The following DNPEP variants were observed in gnomAD, a reference collection of about 807,000 sequenced individuals.
DNPEP encodes aspartyl aminopeptidase.
A neutral mutation model predicts 59.1 loss-of-function variants in DNPEP; 46 were observed. The observed-to-expected ratio is 0.78, with a 90% CI of 0.61 to 0.99. The LOEUF is 0.99. DNPEP is among the 50% of genes least tolerant of loss of function. The pLI is 0.00. For missense variants in DNPEP, 617 were observed against 649.9 expected (o/e 0.95, Z 0.55); for synonymous variants, 229 against 242.2 (o/e 0.95, Z 0.50).
At chr2:219,382,247 C>A (rs1472182518) in intron 10 of DNPEP, 108 bp from the exon 11 acceptor site, 2 of 1,288,504 alleles carry the variant, frequency 1.6e-6, no homozygotes, top group Non-Finnish European at 2.1e-6. Context: ...CACTGAGTCA[C>A]TGGGTGTTCT....
intron 13 of DNPEP, among the ~76,000 whole-genome samples, chr2:219,376,780 C>T (rs1953390488): frequency 1.3e-5 from 2 of 152,132 alleles, no homozygotes; most frequent in African/African-American, 4.8e-5. Context: ...AGTGTTAAAA[C>T]CATTAGGTAT....
chr2:219,375,852 G>T (rs1204104522), intron 13 of DNPEP, among the ~76,000 whole-genome samples: 1 of 152,118 alleles, frequency 6.6e-6, no homozygotes, highest in Admixed American at 6.6e-5. Flanking sequence ...ACCACACCTG[G>T]CTTCATGATT....
At chr2:219,395,728 A>C (rs1954085633) in intron 1 of DNPEP, among the ~76,000 whole-genome samples, 1 of 152,188 alleles carries the variant, frequency 6.6e-6, no homozygotes, top group Non-Finnish European at 1.5e-5. Context: ...AAGCTCCTTC[A>C]CAAAGCCTTC....
At chr2:219,389,010 T>C, upstream of DNPEP, 1 of 292,492 alleles carries the variant, frequency 3.4e-6, no homozygotes, top group Non-Finnish European at 5.1e-6. Flanking sequence ...CCTACAGCCT[T>C]CTCTCAGATC....
chr2:219,387,501 A>G, intron 1 of DNPEP: 1 of 1,438,546 alleles, frequency 7.0e-7, no homozygotes, highest in Non-Finnish European at 9.1e-7. Context: ...GGCGGCCTGC[A>G]TCACGTGCGC....
At chr2:219,390,582 G>A (rs911400156), upstream of DNPEP, among the ~76,000 whole-genome samples, 48 of 152,350 alleles carry the variant, frequency 3.2e-4, no homozygotes, top group Middle Eastern at 6.8e-3. Context: ...ACAGTTGGGC[G>A]TGGTGGCTCA....
At chr2:219,380,836 T>A in intron 13 of DNPEP, among the ~76,000 whole-genome samples, 1 of 4,776 alleles carries the variant, frequency 2.1e-4, no homozygotes, top group South Asian at 0.019. Context: ...ATACAACATA[T>A]ATATGTACAC....
intron 13 of DNPEP, among the ~76,000 whole-genome samples, chr2:219,380,297 C>T (rs890495879): frequency 7.3e-5 from 11 of 150,286 alleles, no homozygotes; most frequent in African/African-American, 2.4e-4. Flanking sequence ...CTCACTGCAA[C>T]GTCCACCTCC....
intron 1 of DNPEP, among the ~76,000 whole-genome samples, chr2:219,394,293 C>T (rs115270255): frequency 6.1e-4 from 93 of 152,284 alleles, no homozygotes; most frequent in African/African-American, 2.2e-3. Context: ...GTCGTTGACC[C>T]ATGGGTCCTA....
Position 219,382,275 on chromosome 2 carries a change from T to TGG in DNPEP, c.937-138_937-137dup. 9 of 972,300 alleles carry TGG rather than the reference T, an allele frequency of 9.3e-6. No individual in the cohort carries two copies. In the South Asian group the frequency reaches 1.5e-4, roughly 16 times the overall value. The allele number at this position is 972,300 out of a possible 1,614,324, so 60.2% of individuals were successfully genotyped here. ...GGTGTTCTTAGCAACACCCCTAACCTGGGGTCGTCACTGAACACCAGACAG... is the reference window on the plus strand; with the variant it reads ...GGTGTTCTTAGCAACACCCCTAACCTGGGGGGTCGTCACTGAACACCAGACAG... On this transcript the variant is annotated intron_variant, in intron 10 of 14. Coordinates refer to ENST00000273075, the MANE Select transcript of DNPEP (RefSeq NM_012100.4).
chr2:219,374,401 G>T, intron 14 of DNPEP, 59 bp from the exon 15 acceptor site: 2 of 1,471,946 alleles, frequency 1.4e-6, no homozygotes, highest in Non-Finnish European at 1.9e-6. Context: ...GAGATGTCCT[G>T]CCACCCACCT....
intron 13 of DNPEP, 58 bp from the exon 14 acceptor site, chr2:219,375,080 A>G: frequency 1.3e-6 from 2 of 1,574,202 alleles, no homozygotes; most frequent in Non-Finnish European, 1.7e-6. Context: ...AGAGCCAAGG[A>G]GGACGCCATC....
At position 219,387,063 on chromosome 2, in the gene DNPEP, C is replaced by T. The variant is rs543432358; in HGVS notation, c.130+7G>A. 2 of 1,608,174 alleles carry T rather than the reference C, an allele frequency of 1.2e-6. No individual in the cohort carries two copies. The highest frequency in any genetic ancestry group is 1.7e-6 in the Non-Finnish European group (2 of 1,176,930). On this transcript the variant is annotated splice_region_variant and intron_variant, in intron 2 of 14. Coordinates refer to ENST00000273075, the MANE Select transcript of DNPEP (RefSeq NM_012100.4). ...CACCCTCCTCCCTTGCCCTGGCCAC[C>T]GCTTACCATGGAAAGGAGAGGGACT...
Position 219,375,004 on chromosome 2 carries a change from C to A in DNPEP, c.1258G>T (p.Asp420Tyr). The change falls in exon 14 of 15, where the codon GAC (aspartate) becomes TAC (tyrosine). Residue 420 changes from aspartate to tyrosine, a missense_variant. Asp to Tyr is a radical substitution (Grantham distance 160). Coordinates refer to ENST00000273075, the MANE Select transcript of DNPEP (RefSeq NM_012100.4). ...CCAATGGTGGTTCCACAGGGGGTGT[C>A]ATTCCGGACCATGAGATCCTAGGGA... ...VPLQDLMVRN[D>Y]TPCGTTIGPI... 6.2e-7 allele frequency: 1 copy of A among 1,614,068 alleles called. No individual in the cohort carries two copies. Among genetic ancestry groups the A allele is most frequent in the Non-Finnish European group, 8.5e-7 (1 of 1,180,024 alleles).
chr2:219,374,724 GC>G, intron 14 of DNPEP, 130 bp downstream of exon 14: 1 of 1,099,566 alleles, frequency 9.1e-7, no homozygotes, highest in Non-Finnish European at 1.3e-6. Flanking sequence ...TTCCTACATG[GC>G]CCCAGCATGA....
chr2:219,372,125 C>T lies in DNPEP; in HGVS notation c.*2167G>A, dbSNP rs533489152. On this transcript the variant is annotated 3_prime_UTR_variant, in exon 15 of 15. Transcript: ENST00000273075. ...TATTAACAGACTGAATAAATAATGACCATCTATACAATAAAATACTGTACG... is the reference window on the plus strand; with the variant it reads ...TATTAACAGACTGAATAAATAATGATCATCTATACAATAAAATACTGTACG... Among the ~76,000 whole-genome samples the T allele has an allele frequency of 9.2e-5, 14 of 152,136 alleles. No homozygotes were observed. Among genetic ancestry groups the T allele is most frequent in the Admixed American group, 7.2e-4 (11 of 15,264 alleles).
At chr2:219,395,469 A>C (rs567040070) in intron 1 of DNPEP, among the ~76,000 whole-genome samples, 1 of 152,320 alleles carries the variant, frequency 6.6e-6, no homozygotes, top group African/African-American at 2.4e-5. Flanking sequence ...GGTTCCTCAT[A>C]GATGAGGATC....
chr2:219,398,825 G>A (rs947715476), intron 1 of DNPEP, among the ~76,000 whole-genome samples: 3 of 152,204 alleles, frequency 2.0e-5, no homozygotes, highest in Non-Finnish European at 4.4e-5. Flanking sequence ...GCCCTTGCAG[G>A]CCCACCTCTG....
chr2:219,399,869 G>T, intron 1 of DNPEP: 1 of 1,550,376 alleles, frequency 6.5e-7, no homozygotes, highest in Non-Finnish European at 8.7e-7. Context: ...CGGTTACCTT[G>T]TGGTAGCCAT....
Sources: gnomAD v4.1 joint callset for allele counts (sites outside exome capture counted in the v4.1 genomes callset) on GRCh38, gnomAD v4.1.1 for gene constraint, MANE v1.5 for transcripts, NCBI Gene and HGNC (gene_info 2026-07-23, HGNC 2026-07-21) for gene names.